ZNF385D: variants seen among roughly 807,000 people sequenced by gnomAD.
ZNF385D encodes zinc finger protein 385D, also known as zinc finger protein 659.
In ZNF385D, 15 loss-of-function variants were observed where a neutral mutation model predicts 35.8. That is an observed-to-expected ratio of 0.42 (90% CI 0.28 to 0.64). The LOEUF is 0.64. Ranked by LOEUF, ZNF385D falls within the 30% of genes least tolerant of loss-of-function variation. The probability of loss-of-function intolerance (pLI) is 0.23; values close to 1 mark genes in which losing one functional copy is unlikely to be tolerated. For missense variants in ZNF385D, 474 were observed against 494.6 expected (o/e 0.96, Z 0.39); for synonymous variants, 212 against 186.8 (o/e 1.13, Z -1.10).
chr3:21,934,405 C>T (rs976697277), intron 3 of ZNF385D, among the ~76,000 whole-genome samples: 1 of 152,066 alleles, frequency 6.6e-6, no homozygotes, highest in Non-Finnish European at 1.5e-5. Flanking sequence ...CTTTAAGCTC[C>T]AATTAAGCTA....
intron 2 of ZNF385D, among the ~76,000 whole-genome samples, chr3:21,628,476 A>T (rs2065193937): frequency 6.6e-6 from 1 of 151,626 alleles, no homozygotes. Context: ...GAGAAAAAGG[A>T]TTTGTAGTAG....
chr3:21,862,293 CTT>C (rs5847143), intron 3 of ZNF385D, among the ~76,000 whole-genome samples: 18 of 142,832 alleles, frequency 1.3e-4, no homozygotes, highest in Admixed American at 2.1e-4. Flanking sequence ...GATATCTCTA[CTT>C]TTTTTTTTTT....
At chr3:22,247,162 A>G (rs888079819) in intron 2 of ZNF385D, among the ~76,000 whole-genome samples, 1 of 152,102 alleles carries the variant, frequency 6.6e-6, no homozygotes, top group East Asian at 1.9e-4. Flanking sequence ...TTGGGCCATA[A>G]AAATCCAGCT....
intron 2 of ZNF385D, among the ~76,000 whole-genome samples, chr3:22,285,230 AC>A (rs751584364): frequency 1.2e-4 from 19 of 152,156 alleles, no homozygotes; most frequent in Non-Finnish European, 2.4e-4. Context: ...TGAATAAACT[AC>A]AATGTTTTTG....
At chr3:22,219,948 G>C (rs1462131313) in intron 2 of ZNF385D, among the ~76,000 whole-genome samples, 19 of 151,568 alleles carry the variant, frequency 1.3e-4, no homozygotes. Context: ...CAACAAAATG[G>C]GTTCATTTTA....
At chr3:22,338,056 A>C (rs1695251760) in intron 2 of ZNF385D, among the ~76,000 whole-genome samples, 1 of 152,222 alleles carries the variant, frequency 6.6e-6, no homozygotes, top group African/African-American at 2.4e-5. Context: ...ACAGCTTATA[A>C]CATATGCTGA....
At chr3:21,464,199 T>A (rs1703360039) in intron 4 of ZNF385D, among the ~76,000 whole-genome samples, 1 of 152,182 alleles carries the variant, frequency 6.6e-6, no homozygotes, top group African/African-American at 2.4e-5. Flanking sequence ...AATTGCAGAT[T>A]TCATCATAAT....
intron 3 of ZNF385D, among the ~76,000 whole-genome samples, chr3:21,998,596 G>A (rs1483510025): frequency 2.6e-5 from 4 of 152,178 alleles, no homozygotes; most frequent in Admixed American, 2.0e-4. Flanking sequence ...GCACCTTGAA[G>A]TATCAGTTGT....
chr3:21,808,993 C>T (rs980991333), intron 3 of ZNF385D, among the ~76,000 whole-genome samples: 1 of 152,076 alleles, frequency 6.6e-6, no homozygotes, highest in East Asian at 1.9e-4. Context: ...AATGGGTTGC[C>T]CGCATGCTAT....
intron 4 of ZNF385D, among the ~76,000 whole-genome samples, chr3:21,488,875 G>C (rs994615597): frequency 6.6e-6 from 1 of 152,058 alleles, no homozygotes; most frequent in African/African-American, 2.4e-5. Flanking sequence ...ACTTTCCAAA[G>C]CAGTCCAAAA....
chr3:21,944,515 C>T (rs966347336), intron 3 of ZNF385D, among the ~76,000 whole-genome samples: 8 of 152,128 alleles, frequency 5.3e-5, no homozygotes, highest in Admixed American at 2.6e-4. Flanking sequence ...GCTGGTGGTT[C>T]GCAAGGAAAG....
chr3:21,950,404 T>C (rs1367038836), intron 3 of ZNF385D, among the ~76,000 whole-genome samples: 1 of 151,842 alleles, frequency 6.6e-6, no homozygotes, highest in Admixed American at 6.5e-5. Flanking sequence ...ATGGAGGTGT[T>C]TTTTTCTTGT....
chr3:22,323,925 TTAAC>T (rs1339019496), intron 2 of ZNF385D, among the ~76,000 whole-genome samples: 3 of 152,308 alleles, frequency 2.0e-5, no homozygotes, highest in South Asian at 2.1e-4. Flanking sequence ...GGCTTTGCCT[TTAAC>T]TAATATATAC....
At chr3:22,208,418 G>A (rs1023286249) in intron 2 of ZNF385D, among the ~76,000 whole-genome samples, 1 of 151,120 alleles carries the variant, frequency 6.6e-6, no homozygotes, top group East Asian at 2.0e-4. Flanking sequence ...ATAGAGAGTG[G>A]AAAGATGGTT....
At chr3:21,624,175 C>T (rs1240539838) in intron 2 of ZNF385D, among the ~76,000 whole-genome samples, 1 of 151,966 alleles carries the variant, frequency 6.6e-6, no homozygotes. Flanking sequence ...TAAGAAATGC[C>T]TCTATTCATA....
At chr3:21,758,993 A>AC (rs1559593472) in intron 3 of ZNF385D, among the ~76,000 whole-genome samples, 2 of 148,084 alleles carry the variant, frequency 1.4e-5, no homozygotes, top group Admixed American at 6.7e-5. Context: ...AAAAAAAAAA[A>AC]AAAAAAAAAA....
chr3:21,426,629 T>C (rs1376234520), intron 5 of ZNF385D, among the ~76,000 whole-genome samples: 1 of 152,148 alleles, frequency 6.6e-6, no homozygotes, highest in Admixed American at 6.6e-5. Context: ...GCCATTCTGA[T>C]TTTAGAAATA....
chr3:22,368,551 T>C (rs2125231595), intron 2 of ZNF385D, among the ~76,000 whole-genome samples: 1 of 152,304 alleles, frequency 6.6e-6, no homozygotes, highest in South Asian at 2.1e-4. Flanking sequence ...ATCACAGTTC[T>C]GGAGGCTGTG....
chr3:22,176,171 T>C (rs926508360), intron 2 of ZNF385D, among the ~76,000 whole-genome samples: 1 of 151,988 alleles, frequency 6.6e-6, no homozygotes, highest in South Asian at 2.1e-4. Context: ...AACATACACA[T>C]ATTCTAACAC....
Sources: allele counts gnomAD v4.1 joint callset (sites outside exome capture counted in the v4.1 genomes callset), GRCh38; gene constraint gnomAD v4.1.1; transcripts MANE v1.5; gene names NCBI Gene and HGNC (gene_info 2026-07-23, HGNC 2026-07-21).